SNX24: variants seen among roughly 807,000 people sequenced by gnomAD.
The protein encoded by SNX24 is sorting nexin 24.
Under a neutral mutation model 28.7 loss-of-function variants are expected in SNX24, and 22 were observed. That is an observed-to-expected ratio of 0.77 (90% CI 0.55 to 1.10). The LOEUF (loss-of-function observed/expected upper bound fraction) is 1.10. Ranked by LOEUF, SNX24 falls within the 50% of genes least tolerant of loss-of-function variation. The pLI, the probability that SNX24 is intolerant of heterozygous loss-of-function variation, is 0.00. For missense variants in SNX24, 221 were observed against 201.1 expected (o/e 1.10, Z -0.60); for synonymous variants, 69 against 71.5 (o/e 0.96, Z 0.18).
chr5:122,969,928 G>A (rs990209305), intron 3 of SNX24, among the ~76,000 whole-genome samples: 7 of 151,872 alleles, frequency 4.6e-5, no homozygotes, highest in African/African-American at 1.7e-4. Flanking sequence ...CTTTCTCCAC[G>A]GGCCTCTCTT....
intron 5 of SNX24, chr5:123,024,135 GA>G: frequency 2.1e-6 from 1 of 472,742 alleles, no homozygotes; most frequent in Non-Finnish European, 3.1e-6. Context: ...GGTTTTTTAT[GA>G]CTACTAAGCG....
chr5:122,930,136 A>C (rs2150110887), intron 1 of SNX24, among the ~76,000 whole-genome samples: 1 of 152,322 alleles, frequency 6.6e-6, no homozygotes, highest in East Asian at 1.9e-4. Context: ...TAGAGAGGAC[A>C]GCAACAGAGC....
At chr5:122,889,721 G>A (rs1285786126) in intron 1 of SNX24, among the ~76,000 whole-genome samples, 2 of 75,676 alleles carry the variant, frequency 2.6e-5, no homozygotes, top group African/African-American at 7.5e-5. Flanking sequence ...ATATATATAT[G>A]TATGTGTATA....
At chr5:122,944,441 CCA>C (rs1468529689) in intron 2 of SNX24, among the ~76,000 whole-genome samples, 2 of 148,722 alleles carry the variant, frequency 1.3e-5, no homozygotes, top group Non-Finnish European at 3.0e-5. Context: ...TTTTTTTCCC[CCA>C]AAAAAAGAAG....
At chr5:122,907,873 T>C (rs572757976) in intron 1 of SNX24, among the ~76,000 whole-genome samples, 32 of 152,234 alleles carry the variant, frequency 2.1e-4, no homozygotes, top group African/African-American at 6.3e-4. Flanking sequence ...TGGGCAGTTA[T>C]AGCTCACTGA....
At chr5:122,908,462 T>C (rs1757742386) in intron 1 of SNX24, among the ~76,000 whole-genome samples, 1 of 152,154 alleles carries the variant, frequency 6.6e-6, no homozygotes, top group South Asian at 2.1e-4. Flanking sequence ...CGAAGAAAAA[T>C]TATCCTGTTA....
intron 3 of SNX24, among the ~76,000 whole-genome samples, chr5:122,982,694 A>T (rs1761442742): frequency 1.3e-5 from 2 of 152,222 alleles, no homozygotes; most frequent in African/African-American, 2.4e-5. Context: ...TGAAAGAAAT[A>T]TGTACAGTGA....
chr5:123,015,313 T>C (rs547934268), intron 5 of SNX24, among the ~76,000 whole-genome samples: 32 of 152,312 alleles, frequency 2.1e-4, no homozygotes, highest in Non-Finnish European at 4.1e-4. Context: ...GACCTTGAAA[T>C]CAAGATTGGC....
chr5:123,008,031 T>G lies in SNX24; in HGVS notation c.*282T>G. On this transcript the variant is annotated 3_prime_UTR_variant, in exon 7 of 7. Coordinates refer to ENST00000261369, the MANE Select transcript of SNX24 (RefSeq NM_014035.4). ...TGAAAAGGAGGCCACAGGAGATTCC[T>G]GGGAGCACTGGGTGTAGCAAAACAA... The G allele has an allele frequency of 9.0e-7, 1 of 1,112,990 alleles. No homozygotes were observed. The highest frequency in any genetic ancestry group is 2.8e-5 in the South Asian group (1 of 35,224). The allele number at this position is 1,112,990 out of a possible 1,614,324, so 68.9% of individuals were successfully genotyped here. A position where few individuals can be genotyped will look rare whatever the true frequency, so the allele number is the denominator to read the frequency against.
intron 1 of SNX24, among the ~76,000 whole-genome samples, chr5:122,884,184 T>A (rs1346690478): frequency 6.6e-6 from 1 of 152,094 alleles, no homozygotes; most frequent in African/African-American, 2.4e-5. Context: ...TTAGTCTGAT[T>A]TGAATTCTGG....
At chr5:122,860,640 G>C (rs1230291101) in intron 1 of SNX24, among the ~76,000 whole-genome samples, 1 of 152,152 alleles carries the variant, frequency 6.6e-6, no homozygotes, top group Non-Finnish European at 1.5e-5. Context: ...CTGTTGCCCA[G>C]GCTTGGAGTG....
At chr5:122,863,469 G>A (rs1005971507) in intron 1 of SNX24, among the ~76,000 whole-genome samples, 1 of 151,986 alleles carries the variant, frequency 6.6e-6, no homozygotes, top group African/African-American at 2.4e-5. Context: ...GAATGGTGGG[G>A]TGGGAGGGCA....
chr5:122,936,564 G>C (rs58169132), intron 1 of SNX24, among the ~76,000 whole-genome samples, 170 bp from the exon 2 acceptor site: 1 of 152,008 alleles, frequency 6.6e-6, no homozygotes, highest in Admixed American at 6.5e-5. Context: ...CCTTTGGTTC[G>C]AGTGCTCATT....
At chr5:123,018,576 C>A (rs1281680090) in intron 5 of SNX24, among the ~76,000 whole-genome samples, 1 of 152,148 alleles carries the variant, frequency 6.6e-6, no homozygotes, top group Non-Finnish European at 1.5e-5. Context: ...GAAAACGTAC[C>A]TGACTGCTAA....
At chr5:122,888,150 T>C (rs373741948) in intron 1 of SNX24, among the ~76,000 whole-genome samples, 1 of 152,364 alleles carries the variant, frequency 6.6e-6, no homozygotes, top group East Asian at 1.9e-4. Flanking sequence ...TCTTTACATT[T>C]TTCAGTTCTA....
chr5:122,876,325 C>A (rs913525361), intron 1 of SNX24, among the ~76,000 whole-genome samples: 1 of 151,968 alleles, frequency 6.6e-6, no homozygotes, highest in Admixed American at 6.6e-5. Flanking sequence ...TTAATGTCAG[C>A]GTATAAAAAT....
intron 2 of SNX24, among the ~76,000 whole-genome samples, chr5:122,941,167 A>G (rs1164753897): frequency 1.3e-5 from 2 of 152,206 alleles, no homozygotes; most frequent in African/African-American, 4.8e-5. Context: ...GAGCCCACAC[A>G]GATAATCCAG....
intron 1 of SNX24, among the ~76,000 whole-genome samples, chr5:122,859,482 A>G (rs971103419): frequency 6.6e-6 from 1 of 152,112 alleles, no homozygotes; most frequent in African/African-American, 2.4e-5. Context: ...GTATGTACCT[A>G]TGGTCCCTAC....
chr5:123,000,523 C>G (rs1359137977), intron 4 of SNX24, among the ~76,000 whole-genome samples: 1 of 152,166 alleles, frequency 6.6e-6, no homozygotes, highest in African/African-American at 2.4e-5. Flanking sequence ...AAGGCAAGCC[C>G]TCTTCCTCTA....
Sources: allele counts gnomAD v4.1 joint callset (sites outside exome capture counted in the v4.1 genomes callset), GRCh38; gene constraint gnomAD v4.1.1; transcripts MANE v1.5; gene names NCBI Gene and HGNC (gene_info 2026-07-23, HGNC 2026-07-21).